The following ERBB4 variants were observed in gnomAD, a reference collection of about 807,000 sequenced individuals.
ERBB4 encodes erb-b2 receptor tyrosine kinase 4.
Under a neutral mutation model 158.0 loss-of-function variants are expected in ERBB4, and 42 were observed. That is an observed-to-expected ratio of 0.27 (90% CI 0.21 to 0.34). The LOEUF is 0.34. ERBB4 is among the 10% of genes least tolerant of loss of function. The pLI is 1.00. For synonymous variants in ERBB4, 583 were observed against 558.7 expected, an observed-to-expected ratio of 1.04 and a Z score of -0.61; for missense variants, 1,333 against 1,624.1, an observed-to-expected ratio of 0.82 and a Z score of 3.08.
rs956305602 is a variant in ERBB4 at position 211,378,535 on chromosome 2, C to T, written c.*5080G>A. On this transcript the variant is annotated 3_prime_UTR_variant, in exon 28 of 28. Coordinates refer to ENST00000342788, the MANE Select transcript of ERBB4 (RefSeq NM_005235.3). ...CACACAAACACAAGGGCCCCTGGCC[C>T]GACACAATGCCCACAACAGCTTCTT... The T allele has an allele frequency of 2.1e-5, 5 of 232,678 alleles. No individual in the cohort carries two copies. Among genetic ancestry groups the T allele is most frequent in the South Asian group, 1.8e-4 (1 of 5,532 alleles). 14.4% of individuals were successfully genotyped at this position (232,678 alleles called of 1,614,324 possible). A position where few individuals can be genotyped will look rare whatever the true frequency, so the allele number is the denominator to read the frequency against.
At chr2:211,538,474 G>A (rs1818754) in intron 20 of ERBB4, among the ~76,000 whole-genome samples, 93,441 of 151,386 alleles carry the variant, frequency 0.62, 29,112 homozygotes, top group East Asian at 0.8. Flanking sequence ...TTTAAAGACA[G>A]TTCTGGAATC....
intron 1 of ERBB4, among the ~76,000 whole-genome samples, chr2:212,362,238 C>T (rs531139562): frequency 7.6e-4 from 115 of 151,308 alleles, no homozygotes; most frequent in Admixed American, 1.2e-3. Flanking sequence ...ATACTTCCAT[C>T]GGTATACTAA....
chr2:212,242,948 G>A lies in ERBB4; in HGVS notation c.83-118045C>T, dbSNP rs138593480. The stretch of plus-strand genomic sequence containing the variant: ...TGCACTTGAACACATCAAAGTGTCA[G>A]TTCAGATATGTGGCATCTGAAAAGC... On this transcript the variant is annotated intron_variant, in intron 1 of 27. Coordinates refer to ENST00000342788, the MANE Select transcript of ERBB4 (RefSeq NM_005235.3). Among the ~76,000 whole-genome samples, 473 of 152,226 alleles carry A rather than the reference G, an allele frequency of 3.1e-3. 2 individuals carry two copies. Among genetic ancestry groups the A allele is most frequent in the South Asian group, 0.03 (147 of 4,830 alleles).
At chr2:212,371,387 A>G (rs11899472) in intron 1 of ERBB4, among the ~76,000 whole-genome samples, 97 of 152,340 alleles carry the variant, frequency 6.4e-4, no homozygotes, top group African/African-American at 2.2e-3. Context: ...GTTTCTTTAC[A>G]ATGTCAAATA....
Position 211,683,947 on chromosome 2 carries a change from T to A in ERBB4, c.1490-4763A>T, listed in dbSNP as rs143104746. ...TAGATTTCCATAAAATGGCTAATAA[T>A]GTCAAACATTTTTAATATGCTTATT... On this transcript the variant is annotated intron_variant, in intron 12 of 27. Transcript: ENST00000342788. Among the ~76,000 whole-genome samples, 550 of 152,196 alleles carry A rather than the reference T, an allele frequency of 3.6e-3. 2 individuals are homozygous for A. The highest frequency in any genetic ancestry group is 0.013 in the African/African-American group (522 of 41,464).
intron 1 of ERBB4, among the ~76,000 whole-genome samples, chr2:212,189,192 G>A (rs1199562929): frequency 6.6e-6 from 1 of 151,908 alleles, no homozygotes; most frequent in African/African-American, 2.4e-5. Context: ...CATCAAGTTG[G>A]CATTCAAAAA....
intron 2 of ERBB4, among the ~76,000 whole-genome samples, chr2:212,016,642 A>G (rs2076536002): frequency 6.6e-6 from 1 of 152,132 alleles, no homozygotes; most frequent in Non-Finnish European, 1.5e-5. Context: ...GGACAAATCT[A>G]TATTTAATAT....
intron 2 of ERBB4, among the ~76,000 whole-genome samples, chr2:212,100,650 G>C (rs1010514393): frequency 4.6e-5 from 7 of 152,098 alleles, no homozygotes; most frequent in African/African-American, 1.7e-4. Context: ...GAACCTCAGG[G>C]GAATGGCCAA....
chr2:212,177,046 AAATT>A (rs2081688101), intron 1 of ERBB4, among the ~76,000 whole-genome samples: 1 of 151,888 alleles, frequency 6.6e-6, no homozygotes, highest in African/African-American at 2.4e-5. Context: ...TCTTCAAAAA[AAATT>A]AAATGAAAAT....
chr2:212,344,124 TTATA>T (rs1326004446), intron 1 of ERBB4, among the ~76,000 whole-genome samples: 1 of 152,182 alleles, frequency 6.6e-6, no homozygotes, highest in Non-Finnish European at 1.5e-5. Context: ...AAACAAAGCA[TTATA>T]TACAGGTAGT....
chr2:212,408,444 A>T lies in ERBB4; in HGVS notation c.82+130005T>A, dbSNP rs2091410433. On this transcript the variant is annotated intron_variant, in intron 1 of 27. Coordinates refer to ENST00000342788, the MANE Select transcript of ERBB4 (RefSeq NM_005235.3). Reference sequence around the variant, plus strand: ...TTTGTAATACAATGGGTTCCCAAACATTGCCATATACTGGAATCACCTGAG... The same window carrying T: ...TTTGTAATACAATGGGTTCCCAAACTTTGCCATATACTGGAATCACCTGAG... 1.3e-5 allele frequency among the ~76,000 whole-genome samples: 2 copies of T among 152,202 alleles called. 1 individual carries two copies. The highest frequency in any genetic ancestry group is 2.9e-5 in the Non-Finnish European group (2 of 68,040).
chr2:212,158,497 A>C (rs2081108950), intron 1 of ERBB4, among the ~76,000 whole-genome samples: 1 of 151,926 alleles, frequency 6.6e-6, no homozygotes, highest in Admixed American at 6.6e-5. Context: ...CTATCTATCC[A>C]TCTTTTAATT....
At chr2:211,453,670 A>G (rs903763346) in intron 20 of ERBB4, among the ~76,000 whole-genome samples, 1 of 152,124 alleles carries the variant, frequency 6.6e-6, no homozygotes, top group African/African-American at 2.4e-5. Context: ...AATCAATACT[A>G]TTATCTCATT....
At chr2:212,332,861 A>G (rs1381235757) in intron 1 of ERBB4, among the ~76,000 whole-genome samples, 9 of 152,104 alleles carry the variant, frequency 5.9e-5, no homozygotes, top group Non-Finnish European at 1.0e-4. Context: ...TCTGCCAAAA[A>G]TCACTAGAAG....
rs187340879 is a variant in ERBB4, at chr2:211,655,572, C to T, written c.1946+2182G>A. ...ATTCTAAAGACGGAACACTTAACCA[C>T]TGTACTATATTACCCCTAACTAGTC... is the stretch of plus-strand genomic sequence containing the variant. On this transcript the variant is annotated intron_variant, in intron 16 of 27. Transcript: ENST00000342788. Among the ~76,000 whole-genome samples, 211 of 152,326 alleles carry T rather than the reference C, an allele frequency of 1.4e-3. 3 individuals are homozygous for T. The highest frequency in any genetic ancestry group is 9.6e-3 in the East Asian group (50 of 5,182).
intron 1 of ERBB4, among the ~76,000 whole-genome samples, chr2:212,312,916 T>G (rs965413448): frequency 6.6e-6 from 1 of 150,944 alleles, no homozygotes; most frequent in African/African-American, 2.4e-5. Flanking sequence ...TTTTAAAAGT[T>G]ACTATGAGCT....
intron 25 of ERBB4, among the ~76,000 whole-genome samples, chr2:211,414,739 T>C (rs909558857): frequency 1.3e-5 from 2 of 152,094 alleles, no homozygotes; most frequent in African/African-American, 4.8e-5. Flanking sequence ...CAACTTGAAA[T>C]GAGAAGTCTC....
intron 16 of ERBB4, among the ~76,000 whole-genome samples, chr2:211,632,969 A>G (rs899779687): frequency 3.3e-5 from 5 of 152,164 alleles, no homozygotes; most frequent in African/African-American, 1.2e-4. Context: ...TGAACATTAT[A>G]AGAGGCCAAA....
chr2:212,395,807 C>A (rs1024720189), intron 1 of ERBB4, among the ~76,000 whole-genome samples: 2 of 151,798 alleles, frequency 1.3e-5, no homozygotes, highest in South Asian at 4.1e-4. Context: ...TTATTAGAGA[C>A]GGGGTTTCAC....
Sources: allele counts gnomAD v4.1 joint callset (sites outside exome capture counted in the v4.1 genomes callset), GRCh38; gene constraint gnomAD v4.1.1; transcripts MANE v1.5; gene names NCBI Gene and HGNC (gene_info 2026-07-23, HGNC 2026-07-21).